The following ANO3 variants were observed in gnomAD, a reference collection of about 807,000 sequenced individuals.
The protein encoded by ANO3 is anoctamin-3.
A neutral mutation model predicts 144.8 loss-of-function variants in ANO3; 99 were observed. The observed-to-expected ratio is 0.68, with a 90% confidence interval of 0.58 to 0.81. The LOEUF (loss-of-function observed/expected upper bound fraction) is 0.81, where lower values mean the gene tolerates loss of function less well. Ranked by LOEUF, ANO3 falls within the 30% of genes least tolerant of loss-of-function variation. ANO3 has a pLI of 0.00. For synonymous variants in ANO3, 414 were observed against 392.6 expected (o/e 1.05, Z -0.64); for missense variants, 905 against 1,202.2 (o/e 0.75, Z 3.66).
chr11:26,633,343 AACTG>A (rs1328402341), intron 18 of ANO3, among the ~76,000 whole-genome samples: 1 of 152,164 alleles, frequency 6.6e-6, no homozygotes, highest in Non-Finnish European at 1.5e-5. Context: ...TAGATGACCA[AACTG>A]ACTGCAAAAA....
intron 24 of ANO3, 35 bp from the exon 25 acceptor site, chr11:26,656,090 T>C (rs889992264): frequency 3.4e-6 from 5 of 1,478,192 alleles, no homozygotes; most frequent in Non-Finnish European, 4.7e-6. Flanking sequence ...AACGTATGAA[T>C]CTTTGAATCA....
At chr11:26,208,805 T>G (rs1048043810) in intron 1 of ANO3, among the ~76,000 whole-genome samples, 1 of 152,214 alleles carries the variant, frequency 6.6e-6, no homozygotes, top group Non-Finnish European at 1.5e-5. Context: ...TTGATAAATA[T>G]TTTTTAAAGT....
intron 3 of ANO3, among the ~76,000 whole-genome samples, chr11:26,450,464 CTTG>C (rs1323964329): frequency 3.3e-5 from 5 of 152,154 alleles, no homozygotes; most frequent in African/African-American, 1.2e-4. Context: ...AGTCTGGGTC[CTTG>C]TTGTTACTGT....
intron 1 of ANO3, among the ~76,000 whole-genome samples, chr11:26,260,469 G>A (rs1853161229): frequency 6.6e-6 from 1 of 152,170 alleles, no homozygotes; most frequent in South Asian, 2.1e-4. Flanking sequence ...AGTAGTACAT[G>A]AGAAGAGACA....
At chr11:26,613,020 T>C (rs1852144583) in intron 17 of ANO3, among the ~76,000 whole-genome samples, 1 of 152,186 alleles carries the variant, frequency 6.6e-6, no homozygotes, top group African/African-American at 2.4e-5. Flanking sequence ...TTCCTGAATC[T>C]ATCTAGATAT....
intron 1 of ANO3, among the ~76,000 whole-genome samples, chr11:26,377,273 G>A (rs1230564347): frequency 1.3e-5 from 2 of 152,088 alleles, no homozygotes; most frequent in Non-Finnish European, 2.9e-5. Flanking sequence ...GTTGCCAAAA[G>A]ACTTCAGATA....
intron 1 of ANO3, among the ~76,000 whole-genome samples, chr11:26,339,151 A>C (rs939131129): frequency 6.7e-6 from 1 of 149,770 alleles, no homozygotes; most frequent in Non-Finnish European, 1.5e-5. Context: ...TCCAAAGTCC[A>C]CTTTTTTTTT....
At chr11:26,642,152 C>A in intron 22 of ANO3, 123 bp downstream of exon 22, 1 of 1,015,344 alleles carries the variant, frequency 9.8e-7, no homozygotes, top group Non-Finnish European at 1.4e-6. Flanking sequence ...TTCTAAAACA[C>A]GTCTGCACCT....
At chr11:26,468,485 C>T (rs1301343296) in intron 4 of ANO3, among the ~76,000 whole-genome samples, 1 of 151,934 alleles carries the variant, frequency 6.6e-6, no homozygotes, top group African/African-American at 2.4e-5. Context: ...CACTTTGTGT[C>T]AACTGGCATT....
chr11:26,569,319 A>C (rs951354404), intron 14 of ANO3, among the ~76,000 whole-genome samples: 1 of 152,170 alleles, frequency 6.6e-6, no homozygotes, highest in African/African-American at 2.4e-5. Flanking sequence ...GGGGTAGTTC[A>C]GTATGTTGTG....
chr11:26,625,166 C>A (rs1459224521), intron 18 of ANO3, among the ~76,000 whole-genome samples: 8 of 152,200 alleles, frequency 5.3e-5, no homozygotes, highest in Non-Finnish European at 1.0e-4. Context: ...ACCTCGTGAT[C>A]TGCCCGCCTC....
chr11:26,629,688 A>G (rs1179612458), intron 18 of ANO3, among the ~76,000 whole-genome samples: 3 of 152,020 alleles, frequency 2.0e-5, no homozygotes, highest in Non-Finnish European at 2.9e-5. Context: ...CTGGAAGGCA[A>G]TGGTGCAATC....
intron 3 of ANO3, among the ~76,000 whole-genome samples, chr11:26,461,578 A>T (rs1268780904): frequency 1.3e-5 from 2 of 152,020 alleles, no homozygotes; most frequent in Non-Finnish European, 2.9e-5. Flanking sequence ...TGTGTTTGCC[A>T]CTCTAATGTC....
rs1857457827 is a variant in ANO3, at chr11:26,412,459, A to G, written c.47-29459A>G. ...ATTTCAGTGTACACACATTTTAAAG[A>G]TAATATATTCAAATAACATCGTAAC... is the stretch of plus-strand genomic sequence containing the variant. On this transcript the variant is annotated intron_variant, in intron 1 of 26. Coordinates refer to ENST00000256737, the MANE Select transcript of ANO3 (RefSeq NM_031418.4). 2.0e-5 allele frequency among the ~76,000 whole-genome samples: 3 copies of G among 152,080 alleles called. No individual in the cohort carries two copies. In the South Asian group the frequency reaches 6.2e-4, roughly 31 times the overall value.
chr11:26,427,424 C>A (rs1188380189), intron 1 of ANO3: 1 of 152,172 alleles, frequency 6.6e-6, no homozygotes, highest in African/African-American at 2.4e-5. Flanking sequence ...ATGTTAGAGA[C>A]TACATTTCAT....
intron 4 of ANO3, among the ~76,000 whole-genome samples, chr11:26,504,666 C>T (rs1369664300): frequency 6.6e-6 from 1 of 152,086 alleles, no homozygotes; most frequent in Non-Finnish European, 1.5e-5. Flanking sequence ...ATTATCTCAT[C>T]TATAATGTCG....
chr11:26,506,251 A>G (rs1369159973), intron 4 of ANO3, among the ~76,000 whole-genome samples: 7 of 152,116 alleles, frequency 4.6e-5, no homozygotes, highest in African/African-American at 1.4e-4. Context: ...GTTTATTTGT[A>G]TATGGCTCCT....
chr11:26,550,782 T>C (rs1316747006), intron 12 of ANO3, among the ~76,000 whole-genome samples: 1 of 152,022 alleles, frequency 6.6e-6, no homozygotes, highest in Non-Finnish European at 1.5e-5. Context: ...TTTGGATATG[T>C]ATCCAGAAGT....
intron 1 of ANO3, among the ~76,000 whole-genome samples, chr11:26,284,876 G>C (rs1455795275): frequency 2.6e-5 from 4 of 152,216 alleles, no homozygotes; most frequent in Non-Finnish European, 4.4e-5. Context: ...CTGCACCCCA[G>C]CCTGGGCGAC....
Sources: gnomAD v4.1 joint callset for allele counts (sites outside exome capture counted in the v4.1 genomes callset) on GRCh38, gnomAD v4.1.1 for gene constraint, MANE v1.5 for transcripts, NCBI Gene and HGNC (gene_info 2026-07-23, HGNC 2026-07-21) for gene names.